The following PHKB variants were observed in gnomAD, a reference collection of about 807,000 sequenced individuals.
PHKB encodes phosphorylase kinase regulatory subunit beta, also known as phosphorylase b kinase regulatory subunit beta.
A neutral mutation model predicts 152.1 loss-of-function variants in PHKB; 122 were observed. The observed-to-expected ratio is 0.80, with a 90% confidence interval of 0.69 to 0.93. PHKB has a LOEUF of 0.93. PHKB is among the 40% of genes least tolerant of loss of function. The pLI, the probability that PHKB is intolerant of heterozygous loss-of-function variation, is 0.00. For synonymous variants in PHKB, 436 were observed against 464.9 expected (o/e 0.94, Z 0.80); for missense variants, 1,304 against 1,328.4 (o/e 0.98, Z 0.29).
intron 26 of PHKB, among the ~76,000 whole-genome samples, chr16:47,672,857 C>T (rs750959729): frequency 1.9e-4 from 29 of 152,058 alleles, no homozygotes; most frequent in Non-Finnish European, 3.5e-4. Context: ...AAATGACATA[C>T]CATTTTTCCT....
intron 6 of PHKB, among the ~76,000 whole-genome samples, chr16:47,530,476 C>T (rs934699171): frequency 3.3e-5 from 5 of 152,122 alleles, no homozygotes; most frequent in African/African-American, 1.2e-4. Context: ...TAACATTGTA[C>T]AGGTGACCTA....
intron 20 of PHKB, among the ~76,000 whole-genome samples, chr16:47,652,683 C>T (rs1224258493): frequency 2.0e-5 from 3 of 152,010 alleles, no homozygotes; most frequent in Non-Finnish European, 4.4e-5. Flanking sequence ...CTCGCTCTGT[C>T]CTCCAGGCTG....
At chr16:47,521,139 G>A (rs1041972189) in intron 6 of PHKB, among the ~76,000 whole-genome samples, 5 of 151,970 alleles carry the variant, frequency 3.3e-5, no homozygotes, top group African/African-American at 1.2e-4. Flanking sequence ...AGCTTTAATC[G>A]TTTTTATGAG....
rs558028576 is a variant in PHKB, at chr16:47,689,287, A to T, written c.2765+112A>T. ...AAGATATTAATAAGTAAAATTCAAC[A>T]GAGTGTCAGAGGCCACCCCACTAGA... On this transcript the variant is annotated intron_variant, in intron 27 of 30. Coordinates refer to ENST00000323584, the MANE Select transcript of PHKB (RefSeq NM_000293.3). 84 of 1,039,998 alleles carry T rather than the reference A, an allele frequency of 8.1e-5. 1 individual carries two copies. Among genetic ancestry groups the T allele is most frequent in the Admixed American group, 7.6e-4 (40 of 52,862 alleles). 64.4% of individuals were successfully genotyped at this position (1,039,998 alleles called of 1,614,324 possible). A position where few individuals can be genotyped will look rare whatever the true frequency, so the allele number is the denominator to read the frequency against.
chr16:47,474,269 T>C (rs1969830606), intron 1 of PHKB, among the ~76,000 whole-genome samples: 1 of 152,206 alleles, frequency 6.6e-6, no homozygotes, highest in Admixed American at 6.5e-5. Flanking sequence ...GCCCTCCTTT[T>C]TGGCAATTTA....
At chr16:47,668,171 T>C (rs1973572596) in intron 25 of PHKB, among the ~76,000 whole-genome samples, 1 of 152,234 alleles carries the variant, frequency 6.6e-6, no homozygotes, top group Non-Finnish European at 1.5e-5. Flanking sequence ...CCTCAAGCTC[T>C]GTGGAATGAA....
chr16:47,461,465 T>C (rs776486358), intron 1 of PHKB, 39 bp downstream of exon 1: 8 of 1,606,554 alleles, frequency 5.0e-6, no homozygotes, highest in Admixed American at 1.7e-5. Context: ...CCCGAGTACC[T>C]TGGGTGGTGC....
chr16:47,677,876 G>C (rs1029778368), intron 26 of PHKB, among the ~76,000 whole-genome samples: 1 of 150,024 alleles, frequency 6.7e-6, no homozygotes, highest in Non-Finnish European at 1.5e-5. Flanking sequence ...CCATTAACTC[G>C]TCATTTAGCA....
At chr16:47,571,971 T>G (rs1971667750) in intron 7 of PHKB, among the ~76,000 whole-genome samples, 1 of 152,030 alleles carries the variant, frequency 6.6e-6, no homozygotes, top group Admixed American at 6.5e-5. Flanking sequence ...TCCAGCTGCT[T>G]ATCTGGGTTT....
intron 13 of PHKB, among the ~76,000 whole-genome samples, chr16:47,602,770 T>C (rs1320780919): frequency 6.6e-6 from 1 of 152,162 alleles, no homozygotes; most frequent in Non-Finnish European, 1.5e-5. Context: ...GCATTTACTA[T>C]GGGACAAATA....
intron 6 of PHKB, among the ~76,000 whole-genome samples, chr16:47,531,525 T>C (rs1970861753): frequency 6.6e-6 from 1 of 152,168 alleles, no homozygotes; most frequent in African/African-American, 2.4e-5. Flanking sequence ...AAATAATCCA[T>C]TACAGGCTAA....
At chr16:47,661,519 C>T (rs915948596) in intron 22 of PHKB, among the ~76,000 whole-genome samples, 200 bp from the exon 23 acceptor site, 5 of 152,184 alleles carry the variant, frequency 3.3e-5, no homozygotes, top group Non-Finnish European at 7.3e-5. Flanking sequence ...TACCCTCTAT[C>T]TCTAAGATAT....
intron 7 of PHKB, chr16:47,548,009 C>G (rs1463813711): frequency 5.6e-6 from 1 of 178,774 alleles, no homozygotes; most frequent in Non-Finnish European, 1.2e-5. Flanking sequence ...ACTTAACATT[C>G]ATTGTTACCA....
intron 7 of PHKB, among the ~76,000 whole-genome samples, chr16:47,572,697 A>T (rs377142316): frequency 6.6e-6 from 1 of 152,156 alleles, no homozygotes; most frequent in African/African-American, 2.4e-5. Context: ...AGACTCTGTA[A>T]GATTTCCTTG....
chr16:47,667,282 A>G (rs1180584965), intron 25 of PHKB, among the ~76,000 whole-genome samples: 4 of 151,972 alleles, frequency 2.6e-5, no homozygotes, highest in Admixed American at 6.6e-5. Context: ...AAAAGAAAAA[A>G]AAAATAGTTG....
At chr16:47,575,452 C>T (rs1014259904) in intron 7 of PHKB, among the ~76,000 whole-genome samples, 2 of 152,108 alleles carry the variant, frequency 1.3e-5, no homozygotes, top group African/African-American at 2.4e-5. Flanking sequence ...AATCAACCTA[C>T]GTATTCATCA....
At chr16:47,593,409 C>A in intron 10 of PHKB, 91 bp from the exon 11 acceptor site, 1 of 755,528 alleles carries the variant, frequency 1.3e-6, no homozygotes, top group Non-Finnish European at 2.3e-6. Flanking sequence ...CACTGCACTC[C>A]AGCCTGGGCC....
chr16:47,559,101 T>G (rs1035595948), intron 7 of PHKB, among the ~76,000 whole-genome samples: 4 of 152,192 alleles, frequency 2.6e-5, no homozygotes, highest in African/African-American at 9.7e-5. Context: ...GAATGTAAGT[T>G]TTTATGCATT....
rs370159351 is a variant in PHKB at position 47,649,438 on chromosome 16, A to G, written c.1797+234A>G. Among the ~76,000 whole-genome samples the G allele has an allele frequency of 0.01, 1,562 of 152,284 alleles. 210 individuals carry two copies. In the South Asian group the frequency reaches 0.29, roughly 28 times the overall value. ...TGACTGCCCCTTGTGCCTTTATACAAATGAAAAGATACAATTCAGAAAAAC... is the reference window on the plus strand; with the variant it reads ...TGACTGCCCCTTGTGCCTTTATACAGATGAAAAGATACAATTCAGAAAAAC... On this transcript the variant is annotated intron_variant, in intron 18 of 30. Coordinates refer to ENST00000323584, the MANE Select transcript of PHKB (RefSeq NM_000293.3).
Sources: allele counts gnomAD v4.1 joint callset (sites outside exome capture counted in the v4.1 genomes callset), GRCh38; gene constraint gnomAD v4.1.1; transcripts MANE v1.5; gene names NCBI Gene and HGNC (gene_info 2026-07-23, HGNC 2026-07-21).